RCL1: variants seen among roughly 807,000 people sequenced by gnomAD.
The protein encoded by RCL1 is RNA 3'-terminal phosphate cyclase-like protein.
RCL1 carries 24 observed loss-of-function variants against 42.4 expected under a neutral mutation model. That is an observed-to-expected ratio of 0.57 (90% confidence interval 0.41 to 0.80). The LOEUF is 0.80. RCL1 is among the 30% of genes least tolerant of loss of function. RCL1 has a pLI of 0.00. For synonymous variants in RCL1, 228 were observed against 177.3 expected, an observed-to-expected ratio of 1.29 and a Z score of -2.27; for missense variants, 578 against 467.9, an observed-to-expected ratio of 1.24 and a Z score of -2.17.
intron 1 of RCL1, chr9:4,803,740 C>G (rs949033621): frequency 6.3e-6 from 1 of 158,384 alleles, no homozygotes; most frequent in African/African-American, 2.4e-5. Flanking sequence ...AAAAAAAAAG[C>G]TACTGAATTC....
intron 8 of RCL1, among the ~76,000 whole-genome samples, chr9:4,855,283 G>C (rs1327090685): frequency 6.6e-6 from 1 of 151,796 alleles, no homozygotes; most frequent in Non-Finnish European, 1.5e-5. Context: ...TGCCTAGAAT[G>C]GTTCTTCTGA....
At chr9:4,827,711 T>G (rs1816805834) in intron 3 of RCL1, among the ~76,000 whole-genome samples, 1 of 151,508 alleles carries the variant, frequency 6.6e-6, no homozygotes, top group African/African-American at 2.4e-5. Context: ...CACAACTGTC[T>G]TAATGCCATT....
At chr9:4,812,242 T>C (rs906328250) in intron 1 of RCL1, among the ~76,000 whole-genome samples, 5 of 152,150 alleles carry the variant, frequency 3.3e-5, no homozygotes, top group African/African-American at 1.2e-4. Flanking sequence ...TGAGGTCTTC[T>C]CCAGAAAATG....
chr9:4,840,484 T>C (rs2129661815), intron 5 of RCL1, among the ~76,000 whole-genome samples: 1 of 152,344 alleles, frequency 6.6e-6, no homozygotes, highest in African/African-American at 2.4e-5. Flanking sequence ...ATAATTTCCA[T>C]TTCCTCAAGC....
At chr9:4,795,173 G>A (rs1327633432) in intron 1 of RCL1, among the ~76,000 whole-genome samples, 6 of 152,066 alleles carry the variant, frequency 3.9e-5, no homozygotes, top group African/African-American at 4.8e-5. Flanking sequence ...CGCCTCCTGG[G>A]TTCCTGCAAT....
chr9:4,844,830 TTTAA>T, intron 7 of RCL1, 149 bp downstream of exon 7: 1 of 701,824 alleles, frequency 1.4e-6, no homozygotes, highest in Non-Finnish European at 2.3e-6. Context: ...CCTTAACTAG[TTTAA>T]TTGATTAGCT....
chr9:4,836,408 T>C (rs1365820329), intron 5 of RCL1, among the ~76,000 whole-genome samples: 1 of 152,182 alleles, frequency 6.6e-6, no homozygotes, highest in African/African-American at 2.4e-5. Flanking sequence ...GATGAGAAAC[T>C]TTAACAGGCT....
chr9:4,860,540 G>C lies in RCL1; in HGVS notation c.*265G>C. ...TACCTGGAGGAAGAATGTGCCTTCA[G>C]GCCACAGTCGTGCTGCTAGAACAGT... On this transcript the variant is annotated 3_prime_UTR_variant, in exon 9 of 9. Transcript: ENST00000381750. The C allele has an allele frequency of 2.4e-6, 1 of 417,362 alleles. No homozygotes were observed. Among genetic ancestry groups the C allele is most frequent in the Middle Eastern group, 6.2e-4 (1 of 1,618 alleles). 25.9% of individuals were successfully genotyped at this position (417,362 alleles called of 1,614,324 possible).
chr9:4,850,846 G>A (rs1368586856), intron 8 of RCL1, among the ~76,000 whole-genome samples: 2 of 152,064 alleles, frequency 1.3e-5, no homozygotes, highest in Admixed American at 6.5e-5. Context: ...TGGCCCCACC[G>A]GCTTTGTAGC....
At chr9:4,800,961 C>T (rs1842990974) in intron 1 of RCL1, among the ~76,000 whole-genome samples, 3 of 152,010 alleles carry the variant, frequency 2.0e-5, no homozygotes, top group Non-Finnish European at 4.4e-5. Flanking sequence ...CCTGGATGTA[C>T]CATTTTATAT....
At chr9:4,827,912 C>T (rs993372515) in intron 3 of RCL1, among the ~76,000 whole-genome samples, 26 of 151,984 alleles carry the variant, frequency 1.7e-4, no homozygotes, top group African/African-American at 5.1e-4. Context: ...GCCGGCCGGG[C>T]GCAGTGGCTT....
At chr9:4,839,647 G>A (rs936245742) in intron 5 of RCL1, 2 of 985,054 alleles carry the variant, frequency 2.0e-6, no homozygotes, top group Non-Finnish European at 2.4e-6. Context: ...ATGTAACTGG[G>A]CTGTGTGTGT....
chr9:4,818,201 A>G (rs12340122), intron 1 of RCL1, among the ~76,000 whole-genome samples: 2,270 of 152,164 alleles, frequency 0.015, 58 homozygotes, highest in African/African-American at 0.051. Context: ...GATTACAGGC[A>G]TAAGCCACCG....
intron 6 of RCL1, among the ~76,000 whole-genome samples, chr9:4,843,443 C>G (rs1390225133): frequency 6.6e-6 from 1 of 151,986 alleles, no homozygotes; most frequent in Non-Finnish European, 1.5e-5. Flanking sequence ...GCAAACTATA[C>G]CAGTGCATAT....
Position 4,817,064 on chromosome 9 carries a change from G to T in RCL1, c.137-6484G>T, listed in dbSNP as rs1022982147. Among the ~76,000 whole-genome samples, 5 of 152,290 alleles carry T rather than the reference G, an allele frequency of 3.3e-5. No homozygotes were observed. In the East Asian group the frequency reaches 5.8e-4, roughly 18 times the overall value. On this transcript the variant is annotated intron_variant, in intron 1 of 8. Transcript: ENST00000381750. ...AATCTCCTGACCTTGTAATCCGCCT[G>T]CCTCGGCCTCCCAAAATGCTGGGAT...
At chr9:4,797,421 GT>G (rs1380585307) in intron 1 of RCL1, among the ~76,000 whole-genome samples, 1 of 152,138 alleles carries the variant, frequency 6.6e-6, no homozygotes, top group Non-Finnish European at 1.5e-5. Flanking sequence ...CTAGGTGGTT[GT>G]TTCCACGTAT....
chr9:4,831,581 A>T (rs940847516), intron 3 of RCL1, among the ~76,000 whole-genome samples: 1 of 152,096 alleles, frequency 6.6e-6, no homozygotes, highest in Non-Finnish European at 1.5e-5. Context: ...GGCTCAAGTG[A>T]TCCTCCCACC....
At chr9:4,838,595 C>A (rs1365894762) in intron 5 of RCL1, among the ~76,000 whole-genome samples, 1 of 152,194 alleles carries the variant, frequency 6.6e-6, no homozygotes, top group Non-Finnish European at 1.5e-5. Context: ...CATACACACA[C>A]ACACCCCTCT....
intron 8 of RCL1, among the ~76,000 whole-genome samples, chr9:4,854,645 G>A (rs369575537): frequency 1.3e-5 from 2 of 152,178 alleles, no homozygotes; most frequent in South Asian, 2.1e-4. Context: ...GTGTTTAAGG[G>A]TGGGATCTGG....
Sources: gnomAD v4.1 joint callset for allele counts (sites outside exome capture counted in the v4.1 genomes callset) on GRCh38, gnomAD v4.1.1 for gene constraint, MANE v1.5 for transcripts, NCBI Gene and HGNC (gene_info 2026-07-23, HGNC 2026-07-21) for gene names.